Variants in IFT88 observed in about 807,000 individuals in gnomAD.
The protein encoded by IFT88 is intraflagellar transport protein 88 homolog.
In IFT88, 74 loss-of-function variants were observed where a neutral mutation model predicts 119.5. That is an observed-to-expected ratio of 0.62 (90% CI 0.51 to 0.75). The LOEUF (loss-of-function observed/expected upper bound fraction) is 0.75. Ranked by LOEUF, IFT88 falls within the 30% of genes least tolerant of loss-of-function variation. The pLI is 0.00. For missense variants in IFT88, 961 were observed against 977.7 expected, an observed-to-expected ratio of 0.98 and a Z score of 0.23; for synonymous variants, 279 against 316.7, an observed-to-expected ratio of 0.88 and a Z score of 1.26.
intron 22 of IFT88, 118 bp from the exon 23 acceptor site, chr13:20,663,380 A>G (rs1455648157): frequency 6.5e-7 from 1 of 1,535,564 alleles, no homozygotes; most frequent in African/African-American, 1.4e-5. Context: ...GGAGAAAAAT[A>G]CTATTTGTAA....
intron 9 of IFT88, among the ~76,000 whole-genome samples, chr13:20,597,754 A>ATATATAT (rs1555262657): frequency 7.0e-6 from 1 of 142,594 alleles, no homozygotes; most frequent in African/African-American, 2.6e-5. Flanking sequence ...TCAAAAAAAA[A>ATATATAT]ATATATATAT....
chr13:20,687,768 T>C (rs1230578738), intron 24 of IFT88, among the ~76,000 whole-genome samples: 1 of 151,666 alleles, frequency 6.6e-6, no homozygotes. Flanking sequence ...AAAAATAAAA[T>C]GAAAAAAACT....
At chr13:20,567,599 T>G in intron 1 of IFT88, 1 of 348,024 alleles carries the variant, frequency 2.9e-6, no homozygotes, top group Non-Finnish European at 4.1e-6. Context: ...TAAAACCCAG[T>G]TAGATTACTG....
In IFT88 at chr13:20,567,223, C is replaced by T. The variant is rs991754152; in HGVS notation, c.-40C>T. 5 of 152,328 alleles carry T rather than the reference C, an allele frequency of 3.3e-5. No individual in the cohort carries two copies. Among genetic ancestry groups the T allele is most frequent in the African/African-American group, 1.2e-4 (5 of 41,466 alleles). The allele number at this position is 152,328 out of a possible 1,614,324, so 9.4% of individuals were successfully genotyped here. On this transcript the variant is annotated 5_prime_UTR_variant, in exon 1 of 26. Transcript: ENST00000351808. ...GCCAACCGCTGCGTCGTCCCTGGGC[C>T]CGAATAACTGTCGCCCGCTTCCCTC...
At chr13:20,567,943 G>A in intron 1 of IFT88, 1 of 700,750 alleles carries the variant, frequency 1.4e-6, no homozygotes. Flanking sequence ...GCTTCCCTGG[G>A]CCACATCGGA....
intron 24 of IFT88, among the ~76,000 whole-genome samples, chr13:20,681,003 G>A (rs1484447440): frequency 6.6e-6 from 1 of 152,188 alleles, no homozygotes; most frequent in Non-Finnish European, 1.5e-5. Flanking sequence ...AGATTCAGTT[G>A]CATGTGTGGA....
chr13:20,635,030 A>G (rs1331200688), intron 16 of IFT88, among the ~76,000 whole-genome samples: 1 of 137,470 alleles, frequency 7.3e-6, no homozygotes, highest in Non-Finnish European at 1.5e-5. Context: ...ATTCCCACCT[A>G]TGAGTGAGAA....
chr13:20,627,387 A>G (rs2047504209), intron 15 of IFT88, among the ~76,000 whole-genome samples: 2 of 152,184 alleles, frequency 1.3e-5, no homozygotes, highest in Admixed American at 6.5e-5. Flanking sequence ...GGAGAAAACC[A>G]TGTCTGCTAG....
intron 22 of IFT88, among the ~76,000 whole-genome samples, chr13:20,657,541 G>A (rs2053041413): frequency 6.6e-6 from 1 of 152,208 alleles, no homozygotes; most frequent in African/African-American, 2.4e-5. Context: ...GAGAGATACA[G>A]TAGATAAAAT....
rs973601233 is a variant in IFT88 at position 20,615,265 on chromosome 13, G to T, written c.1113-528G>T. ...AACTTTTACCCACCACTATAAATTG[G>T]TATATCCACTTTGAAAAGCACTTGG... On this transcript the variant is annotated intron_variant, in intron 13 of 25. Transcript: ENST00000351808. Among the ~76,000 whole-genome samples, 5 of 152,174 alleles carry T rather than the reference G, an allele frequency of 3.3e-5. 1 individual carries two copies. The highest frequency in any genetic ancestry group is 1.3e-4 in the Admixed American group (2 of 15,294).
In IFT88 at chr13:20,641,404, T is replaced by G. The variant is rs1566314898; in HGVS notation, c.1682+6T>G. The G allele has an allele frequency of 1.3e-6, 2 of 1,558,712 alleles. No homozygotes were observed. The highest frequency in any genetic ancestry group is 3.4e-5 in the Admixed American group (2 of 59,514). On this transcript the variant is annotated splice_donor_region_variant and intron_variant, in intron 18 of 25. Coordinates refer to ENST00000351808, the MANE Select transcript of IFT88 (RefSeq NM_006531.5). ...CTTTACCAGATAGCAAATATGTATCTTATTTGAAAACCTTAGGGACAGTTA... is the reference window on the plus strand; with the variant it reads ...CTTTACCAGATAGCAAATATGTATCGTATTTGAAAACCTTAGGGACAGTTA...
At chr13:20,577,951 G>A (rs929692322) in intron 2 of IFT88, among the ~76,000 whole-genome samples, 4 of 150,798 alleles carry the variant, frequency 2.7e-5, no homozygotes, top group Admixed American at 2.6e-4. Context: ...TTAAATGTCT[G>A]GTAAAATTCA....
chr13:20,617,105 A>C (rs984849612), intron 14 of IFT88, among the ~76,000 whole-genome samples: 4 of 152,106 alleles, frequency 2.6e-5, no homozygotes, highest in African/African-American at 9.7e-5. Flanking sequence ...CACCAAGCCC[A>C]GCTAATTTTT....
At chr13:20,624,597 A>G (rs539533669) in intron 14 of IFT88, among the ~76,000 whole-genome samples, 1 of 152,248 alleles carries the variant, frequency 6.6e-6, no homozygotes, top group East Asian at 1.9e-4. Context: ...ATGAAAACCT[A>G]TATATATATC....
chr13:20,599,145 A>G (rs1259806896), intron 10 of IFT88, among the ~76,000 whole-genome samples: 1 of 152,044 alleles, frequency 6.6e-6, no homozygotes, highest in African/African-American at 2.4e-5. Context: ...TGTATGTGGC[A>G]TTCTTGAGTC....
At chr13:20,671,076 C>T (rs370601733) in intron 24 of IFT88, 37 bp downstream of exon 24, 22 of 1,556,130 alleles carry the variant, frequency 1.4e-5, no homozygotes, top group Admixed American at 6.7e-5. Flanking sequence ...ACTTGGTTTC[C>T]ACATTTCTAG....
chr13:20,613,390 C>A (rs1242305783), intron 13 of IFT88, among the ~76,000 whole-genome samples: 2 of 150,950 alleles, frequency 1.3e-5, no homozygotes, highest in Admixed American at 1.3e-4. Context: ...CAGTGAGATA[C>A]TACTTCACAC....
chr13:20,674,978 G>T (rs2056480252), intron 24 of IFT88, among the ~76,000 whole-genome samples: 2 of 151,922 alleles, frequency 1.3e-5, no homozygotes, highest in Non-Finnish European at 2.9e-5. Flanking sequence ...CTCCCAAAGT[G>T]CTGGGATTAC....
intron 24 of IFT88, among the ~76,000 whole-genome samples, chr13:20,680,053 G>A (rs57770960): frequency 0.22 from 33,872 of 152,060 alleles, 4,494 homozygotes; most frequent in African/African-American, 0.35. Flanking sequence ...CCTGCCTTGC[G>A]ACACAATCTT....
Sources: allele counts gnomAD v4.1 joint callset (sites outside exome capture counted in the v4.1 genomes callset), GRCh38; gene constraint gnomAD v4.1.1; transcripts MANE v1.5; gene names NCBI Gene and HGNC (gene_info 2026-07-23, HGNC 2026-07-21).